RBBP5: variants seen among roughly 807,000 people sequenced by gnomAD.
RBBP5 encodes the protein RB binding protein 5, histone lysine methyltransferase complex subunit.
A neutral mutation model predicts 72.2 loss-of-function variants in RBBP5; 5 were observed. That is an observed-to-expected ratio of 0.07 (90% confidence interval 0.04 to 0.15). RBBP5 has a LOEUF of 0.15. RBBP5 is among the 10% of genes least tolerant of loss of function. The pLI, the probability that RBBP5 is intolerant of heterozygous loss-of-function variation, is 1.00. For missense variants in RBBP5, 322 were observed against 652.2 expected, an observed-to-expected ratio of 0.49 and a Z score of 5.51; for synonymous variants, 209 against 237.2, an observed-to-expected ratio of 0.88 and a Z score of 1.09.
chr1:205,109,611 T>G (rs1656225647), intron 3 of RBBP5, among the ~76,000 whole-genome samples: 1 of 152,168 alleles, frequency 6.6e-6, no homozygotes, highest in African/African-American at 2.4e-5. Context: ...GCTACTGCAC[T>G]ATAATTTTTG....
At chr1:205,107,558 T>C (rs1054213632) in intron 3 of RBBP5, among the ~76,000 whole-genome samples, 1 of 152,192 alleles carries the variant, frequency 6.6e-6, no homozygotes, top group African/African-American at 2.4e-5. Context: ...AAAGAATGGC[T>C]ACATAATGTT....
intron 1 of RBBP5, among the ~76,000 whole-genome samples, chr1:205,120,478 T>C (rs1656693841): frequency 6.6e-6 from 1 of 152,162 alleles, no homozygotes; most frequent in Non-Finnish European, 1.5e-5. Context: ...CTCCCATATT[T>C]TCATACTTCA....
At chr1:205,095,954 A>AGGCC (rs1655596462) in intron 12 of RBBP5, among the ~76,000 whole-genome samples, 1 of 152,158 alleles carries the variant, frequency 6.6e-6, no homozygotes, top group Non-Finnish European at 1.5e-5. Flanking sequence ...GCACTTAGGG[A>AGGCC]GGCCGAGGCA....
chr1:205,109,783 A>C (rs1002702973), intron 3 of RBBP5, among the ~76,000 whole-genome samples: 3 of 152,146 alleles, frequency 2.0e-5, no homozygotes, highest in Non-Finnish European at 4.4e-5. Context: ...CTTCTTTCCC[A>C]AAAACAGATG....
intron 3 of RBBP5, among the ~76,000 whole-genome samples, chr1:205,105,641 A>T (rs1199616974): frequency 6.6e-6 from 1 of 152,242 alleles, no homozygotes; most frequent in Non-Finnish European, 1.5e-5. Flanking sequence ...AATATATAAA[A>T]CAGACAAAAA....
At chr1:205,121,701 G>T (rs1656742896) in intron 1 of RBBP5, among the ~76,000 whole-genome samples, 154 bp downstream of exon 1, 1 of 152,206 alleles carries the variant, frequency 6.6e-6, no homozygotes, top group South Asian at 2.1e-4. Context: ...CAGAAGGTGG[G>T]CTTCCTCCTC....
intron 1 of RBBP5, among the ~76,000 whole-genome samples, chr1:205,120,337 T>TC (rs1656689480): frequency 6.6e-6 from 1 of 152,154 alleles, no homozygotes; most frequent in Non-Finnish European, 1.5e-5. Context: ...CCCAAACTTT[T>TC]GAGCTAGGCA....
At position 205,093,478 on chromosome 1, in the gene RBBP5, AAATATATATATATATATATATAT is replaced by A. The variant is rs1394814498; in HGVS notation, c.1588+1372_1588+1394del. 1.2e-3 allele frequency among the ~76,000 whole-genome samples: 7 copies of A among 5,712 alleles called. 1 individual carries two copies. The highest frequency in any genetic ancestry group is 0.029 in the South Asian group (1 of 34). 3.7% of individuals were successfully genotyped at this position (5,712 alleles called of 152,430 possible). On this transcript the variant is annotated intron_variant, in intron 13 of 13. Transcript: ENST00000264515. ...CGTTTCAAAAAAAAAAAAAAAAAAA[AAATATATATATATATATATATAT>A]ATATATATATATATATATATATATA...
rs541427974 is a variant in RBBP5, at chr1:205,096,634, G to A, written c.1396+48C>T. 38 of 1,556,460 alleles carry A rather than the reference G, an allele frequency of 2.4e-5. No individual in the cohort carries two copies. In the African/African-American group the frequency reaches 4.1e-4, roughly 17 times the overall value. ...ATTACCAGGTTGCGCTGGGGAGTGA[G>A]TAGAAAGTGGCGTCTGCCAGGCCAG... On this transcript the variant is annotated intron_variant, in intron 12 of 13. Coordinates refer to ENST00000264515, the MANE Select transcript of RBBP5 (RefSeq NM_005057.4).
intron 1 of RBBP5, among the ~76,000 whole-genome samples, chr1:205,120,031 T>C (rs1156651581): frequency 1.3e-5 from 2 of 152,178 alleles, no homozygotes; most frequent in Non-Finnish European, 2.9e-5. Flanking sequence ...CCAATGACCT[T>C]ACACTTTATC....
chr1:205,105,122 T>C lies in RBBP5; in HGVS notation c.265A>G (p.Ile89Val), dbSNP rs759308279. 5 of 1,613,806 alleles carry C rather than the reference T, an allele frequency of 3.1e-6. No homozygotes were observed. Among genetic ancestry groups the C allele is most frequent in the Non-Finnish European group, 4.2e-6 (5 of 1,179,948 alleles). ...GAAAGAACATCCCACTGTGACACTATGTTATCAGTGGAAGCACTCACGAGT... is the reference window on the plus strand; with the variant it reads ...GAAAGAACATCCCACTGTGACACTACGTTATCAGTGGAAGCACTCACGAGT... ...HKLVSASTDN[I>V]VSQWDVLSGD... is the part of the protein sequence containing the mutation. The change falls in exon 4 of 14, where the codon ATA (isoleucine) becomes GTA (valine). Residue 89 changes from isoleucine to valine, a missense_variant. This residue lies in a region of RBBP5 where 161 missense variants were observed against 327.8 expected (regional missense o/e 0.49). Transcript: ENST00000264515.
intron 1 of RBBP5, chr1:205,116,230 T>C (rs12025836): frequency 0.21 from 82,842 of 398,904 alleles, 9,552 homozygotes; most frequent in East Asian, 0.4. Context: ...ACTAAATACT[T>C]TGTTTTTGAA....
intron 1 of RBBP5, among the ~76,000 whole-genome samples, chr1:205,117,975 A>G (rs1464350468): frequency 1.3e-5 from 2 of 151,734 alleles, no homozygotes; most frequent in Admixed American, 6.6e-5. Flanking sequence ...ATGTCCGGCT[A>G]ATTTTTGTAT....
intron 2 of RBBP5, among the ~76,000 whole-genome samples, chr1:205,115,192 C>T (rs1302722967): frequency 6.6e-6 from 1 of 152,128 alleles, no homozygotes; most frequent in African/African-American, 2.4e-5. Context: ...TACATCACTA[C>T]TATAACTTTG....
intron 13 of RBBP5, among the ~76,000 whole-genome samples, chr1:205,092,197 A>G (rs1333728350): frequency 6.6e-6 from 1 of 152,202 alleles, no homozygotes; most frequent in Non-Finnish European, 1.5e-5. Flanking sequence ...AAAATTTTCA[A>G]CCTTCACAAA....
chr1:205,114,261 G>GC (rs1656437143), intron 3 of RBBP5, among the ~76,000 whole-genome samples: 1 of 152,130 alleles, frequency 6.6e-6, no homozygotes, highest in Non-Finnish European at 1.5e-5. Context: ...AAAAAATGCT[G>GC]CCCCAAAATA....
Position 205,088,472 on chromosome 1 carries a change from CA to C in RBBP5, c.*314del. On this transcript the variant is annotated 3_prime_UTR_variant, in exon 14 of 14. Transcript: ENST00000264515. Reference sequence around the variant, plus strand: ...GCTGGGTACAATGAAGTTAGATGAGCAAAACATAAGTATCTTTTCTCCAGCA... The same window carrying C: ...GCTGGGTACAATGAAGTTAGATGAGCAAACATAAGTATCTTTTCTCCAGCA... The C allele has an allele frequency of 3.2e-6, 1 of 311,132 alleles. No homozygotes were observed. Among genetic ancestry groups the C allele is most frequent in the Non-Finnish European group, 5.9e-6 (1 of 169,926 alleles). The allele number at this position is 311,132 out of a possible 1,614,324, so 19.3% of individuals were successfully genotyped here.
Position 205,114,999 on chromosome 1 carries a change from T to G in RBBP5, c.46-38A>C, listed in dbSNP as rs780787339. ...ACAAATACAAGAATAGAGGCAACAA[T>G]AGCCAGGTATCCAAATTATTTCCTA... On this transcript the variant is annotated intron_variant, in intron 2 of 13. Transcript: ENST00000264515. 1.6e-5 allele frequency: 24 copies of G among 1,504,728 alleles called. 1 individual carries two copies. In the Admixed American group the frequency reaches 1.8e-4, roughly 12 times the overall value. 93.2% of individuals were successfully genotyped at this position (1,504,728 alleles called of 1,614,324 possible). A position where few individuals can be genotyped will look rare whatever the true frequency, so the allele number is the denominator to read the frequency against.
chr1:205,101,801 T>C, intron 5 of RBBP5, 92 bp from the exon 6 acceptor site: 1 of 886,132 alleles, frequency 1.1e-6, no homozygotes. Flanking sequence ...AAAGACTGGG[T>C]AAAAATGCAA....
Sources: gnomAD v4.1 joint callset for allele counts (sites outside exome capture counted in the v4.1 genomes callset) on GRCh38, gnomAD v4.1.1 for gene constraint, gnomAD v4.1.1 regional missense constraint, MANE v1.5 for transcripts, NCBI Gene and HGNC (gene_info 2026-07-23, HGNC 2026-07-21) for gene names.